NIM1K: variants seen among roughly 807,000 people sequenced by gnomAD.
NIM1K encodes the protein serine/threonine-protein kinase NIM1.
Under a neutral mutation model 37.1 loss-of-function variants are expected in NIM1K, and 35 were observed. The observed-to-expected ratio is 0.94, with a 90% CI of 0.72 to 1.25. The LOEUF (loss-of-function observed/expected upper bound fraction) is 1.25, where lower values mean the gene tolerates loss of function less well. Ranked by LOEUF, NIM1K falls within the 50% of genes most tolerant of loss-of-function variation. The probability of loss-of-function intolerance (pLI) is 0.00; values close to 1 mark genes in which losing one functional copy is unlikely to be tolerated. For missense variants in NIM1K, 564 were observed against 548.0 expected, an observed-to-expected ratio of 1.03 and a Z score of -0.29; for synonymous variants, 234 against 206.6, an observed-to-expected ratio of 1.13 and a Z score of -1.14.
chr5:43,233,155 T>G (rs1752566658), intron 1 of NIM1K: 3 of 1,304,300 alleles, frequency 2.3e-6, no homozygotes, highest in Non-Finnish European at 3.3e-6. Flanking sequence ...GCCAATGAGA[T>G]GGAGATGCGG....
intron 1 of NIM1K, chr5:43,232,237 GTAT>G: frequency 9.5e-7 from 1 of 1,050,194 alleles, no homozygotes; most frequent in Non-Finnish European, 1.5e-6. Context: ...AGCAAGCCAT[GTAT>G]TTACCATGGC....
chr5:43,223,236 C>A (rs530239488), intron 1 of NIM1K, among the ~76,000 whole-genome samples: 62 of 152,282 alleles, frequency 4.1e-4, no homozygotes, highest in African/African-American at 1.5e-3. Flanking sequence ...AGGCTGGGGC[C>A]TCCCTGCCTG....
chr5:43,210,775 A>C (rs1002029679), intron 1 of NIM1K, among the ~76,000 whole-genome samples: 2 of 152,168 alleles, frequency 1.3e-5, no homozygotes, highest in Admixed American at 1.3e-4. Flanking sequence ...AAGGCATGCA[A>C]ATTTGTTTAA....
intron 1 of NIM1K, among the ~76,000 whole-genome samples, chr5:43,222,837 A>G (rs1239472852): frequency 6.6e-6 from 1 of 152,072 alleles, no homozygotes; most frequent in Non-Finnish European, 1.5e-5. Context: ...TAAATCCTGG[A>G]CATTAAAAAA....
Position 43,242,136 on chromosome 5 carries a change from A to T in NIM1K, c.-694-2946A>T, listed in dbSNP as rs1752712093. Among the ~76,000 whole-genome samples the T allele has an allele frequency of 2.6e-5, 4 of 151,974 alleles. No individual in the cohort carries two copies. In the South Asian group the frequency reaches 8.3e-4, roughly 31 times the overall value. On this transcript the variant is annotated intron_variant, in intron 1 of 3. Coordinates refer to ENST00000326035, the MANE Select transcript of NIM1K (RefSeq NM_153361.4). ...TCAAGACCGTTTTGCAAGAAGTTTCATTTGTAGGTGTTAGGGTACGTAATT... is the reference window on the plus strand; with the variant it reads ...TCAAGACCGTTTTGCAAGAAGTTTCTTTTGTAGGTGTTAGGGTACGTAATT...
chr5:43,206,870 C>T (rs541191944), intron 1 of NIM1K: 44 of 769,458 alleles, frequency 5.7e-5, no homozygotes, highest in African/African-American at 4.1e-4. Context: ...CAAACAAGAA[C>T]GGCAGCTTTG....
chr5:43,215,676 T>C (rs1354469137), intron 1 of NIM1K, among the ~76,000 whole-genome samples: 4 of 152,198 alleles, frequency 2.6e-5, no homozygotes, highest in African/African-American at 9.6e-5. Context: ...GCAAGTGATC[T>C]GCCCACCTGG....
chr5:43,231,686 A>T (rs1455614200), intron 1 of NIM1K: 4 of 503,426 alleles, frequency 7.9e-6, no homozygotes, highest in Non-Finnish European at 1.5e-5. Context: ...TTTAAAGCAT[A>T]GGTCAGTAGT....
chr5:43,248,020 C>T (rs1263855344), intron 2 of NIM1K, among the ~76,000 whole-genome samples: 2 of 152,014 alleles, frequency 1.3e-5, no homozygotes, highest in African/African-American at 4.8e-5. Context: ...ATTTGAAAAA[C>T]ATAGAAGAGA....
chr5:43,205,603 TA>T (rs1206217438), intron 1 of NIM1K, among the ~76,000 whole-genome samples: 3 of 151,926 alleles, frequency 2.0e-5, no homozygotes, highest in Non-Finnish European at 4.4e-5. Flanking sequence ...AAATACAAAT[TA>T]AAAAAAATGG....
At chr5:43,229,602 C>T (rs1249585366) in intron 1 of NIM1K, among the ~76,000 whole-genome samples, 1 of 150,886 alleles carries the variant, frequency 6.6e-6, no homozygotes, top group African/African-American at 2.4e-5. Flanking sequence ...GAATATCAAC[C>T]TATATCTGTA....
chr5:43,222,594 C>T (rs1374952965), intron 1 of NIM1K, among the ~76,000 whole-genome samples: 1 of 151,940 alleles, frequency 6.6e-6, no homozygotes, highest in East Asian at 1.9e-4. Flanking sequence ...ACTAGCCGAG[C>T]ATGGTGGTGA....
intron 1 of NIM1K, chr5:43,207,427 C>T (rs1752134001): frequency 3.5e-6 from 3 of 861,256 alleles, no homozygotes; most frequent in Non-Finnish European, 6.0e-6. Flanking sequence ...TTAAAGGAGA[C>T]TGCTATCAGG....
chr5:43,230,762 C>T (rs1026037247), intron 1 of NIM1K, among the ~76,000 whole-genome samples: 20 of 152,182 alleles, frequency 1.3e-4, no homozygotes, highest in African/African-American at 4.8e-4. Context: ...GATAACAACC[C>T]CCATCACCGT....
intron 2 of NIM1K, among the ~76,000 whole-genome samples, chr5:43,262,539 C>T (rs1318912785): frequency 6.6e-6 from 1 of 152,182 alleles, no homozygotes. Context: ...GATATACAAT[C>T]ATGTCATTTG....
At chr5:43,213,165 TTTTC>T (rs70994607) in intron 1 of NIM1K, among the ~76,000 whole-genome samples, 4,998 of 38,470 alleles carry the variant, frequency 0.13, 131 homozygotes, top group Admixed American at 0.2. Context: ...TTCTTTCTTT[TTTTC>T]TTTCTTTCTT....
intron 2 of NIM1K, among the ~76,000 whole-genome samples, chr5:43,249,967 C>A (rs1752843871): frequency 6.6e-6 from 1 of 151,254 alleles, no homozygotes; most frequent in Non-Finnish European, 1.5e-5. Context: ...GTTCTCCTGC[C>A]TCAACCTCCC....
At chr5:43,248,893 G>T in intron 2 of NIM1K, among the ~76,000 whole-genome samples, 1 of 150,184 alleles carries the variant, frequency 6.7e-6, no homozygotes, top group African/African-American at 2.5e-5. Flanking sequence ...AATTATTTTT[G>T]AGATGGAGTC....
At chr5:43,264,004 G>C (rs952812864) in intron 2 of NIM1K, among the ~76,000 whole-genome samples, 1 of 152,142 alleles carries the variant, frequency 6.6e-6, no homozygotes, top group African/African-American at 2.4e-5. Flanking sequence ...TATAATTTCT[G>C]TTCTTTTACA....
Sources: allele counts gnomAD v4.1 joint callset (sites outside exome capture counted in the v4.1 genomes callset), GRCh38; gene constraint gnomAD v4.1.1; transcripts MANE v1.5; gene names NCBI Gene and HGNC (gene_info 2026-07-23, HGNC 2026-07-21).